MAP3K7CL: variants seen among roughly 807,000 people sequenced by gnomAD.
MAP3K7CL encodes the protein MAP3K7 C-terminal-like protein.
Under a neutral mutation model 18.6 loss-of-function variants are expected in MAP3K7CL, and 16 were observed. The ratio of observed to expected loss-of-function variants is 0.86; its 90% confidence interval spans 0.58 to 1.31. The LOEUF is 1.31. Ranked by LOEUF, MAP3K7CL falls within the 50% of genes most tolerant of loss-of-function variation. The probability of loss-of-function intolerance (pLI) is 0.00; values close to 1 mark genes in which losing one functional copy is unlikely to be tolerated. For missense variants in MAP3K7CL, 163 were observed against 174.4 expected, an observed-to-expected ratio of 0.93 and a Z score of 0.37; for synonymous variants, 65 against 66.8, an observed-to-expected ratio of 0.97 and a Z score of 0.13.
chr21:29,089,294 G>A (rs1030284425), intron 1 of MAP3K7CL, among the ~76,000 whole-genome samples: 1 of 150,370 alleles, frequency 6.7e-6, no homozygotes, highest in African/African-American at 2.5e-5. Flanking sequence ...CACACCACCT[G>A]CAGAAAGAAG....
chr21:29,147,703 G>A (rs2087168198), intron 2 of MAP3K7CL, among the ~76,000 whole-genome samples: 1 of 151,326 alleles, frequency 6.6e-6, no homozygotes, highest in South Asian at 2.1e-4. Flanking sequence ...TATGTGTACT[G>A]TATGTGTATT....
chr21:29,130,875 G>A lies in MAP3K7CL; in HGVS notation c.-88G>A, dbSNP rs1168590039. ...TCCACAAAGGCAACGACTGGCCAAG[G>A]CAGTGGCTGGCTCTGGGTTACACAA... On this transcript the variant is annotated 5_prime_UTR_variant, in exon 1 of 5. Coordinates refer to ENST00000399928, the MANE Select transcript of MAP3K7CL (RefSeq NM_001286620.2). 3 of 985,544 alleles carry A rather than the reference G, an allele frequency of 3.0e-6. No individual in the cohort carries two copies. In the African/African-American group the frequency reaches 5.2e-5, roughly 17 times the overall value. 61.0% of individuals were successfully genotyped at this position (985,544 alleles called of 1,614,324 possible). A position where few individuals can be genotyped will look rare whatever the true frequency, so the allele number is the denominator to read the frequency against.
At chr21:29,081,552 CAA>C (rs751626889), upstream of MAP3K7CL, among the ~76,000 whole-genome samples, 1 of 142,408 alleles carries the variant, frequency 7.0e-6, no homozygotes. Flanking sequence ...GACTCCGTCT[CAA>C]AAAAAAAAAA....
intron 4 of MAP3K7CL, among the ~76,000 whole-genome samples, chr21:29,107,548 G>C (rs183223184): frequency 1.3e-5 from 2 of 152,116 alleles, no homozygotes; most frequent in Non-Finnish European, 2.9e-5. Flanking sequence ...CCCTGGTTCT[G>C]GGGAAGTCTA....
chr21:29,175,793 CT>C lies in MAP3K7CL; in HGVS notation c.*902del, dbSNP rs1386812248. 3 of 152,192 alleles carry C rather than the reference CT, an allele frequency of 2.0e-5. No individual in the cohort carries two copies. Among genetic ancestry groups the C allele is most frequent in the Non-Finnish European group, 2.9e-5 (2 of 68,040 alleles). 9.4% of individuals were successfully genotyped at this position (152,192 alleles called of 1,614,324 possible). The stretch of plus-strand genomic sequence containing the variant: ...AGAATTGAAACAATTTCTCCTTGTT[CT>C]ACCTATCACCACATTTTCTCAAATT... On this transcript the variant is annotated 3_prime_UTR_variant, in exon 5 of 5. Transcript: ENST00000399928.
intron 4 of MAP3K7CL, among the ~76,000 whole-genome samples, chr21:29,167,693 A>ATTTTTTTTTTTTTTTTTTTTTTTTTT (rs35549023): frequency 9.3e-6 from 1 of 107,522 alleles, no homozygotes; most frequent in Non-Finnish European, 1.8e-5. Flanking sequence ...AGAAGGACCA[A>ATTTTTTTTTTTTTTTTTTTTTTTTTT]TTTTTTTTTT....
intron 3 of MAP3K7CL, among the ~76,000 whole-genome samples, chr21:29,154,785 C>T (rs1400624733): frequency 6.6e-6 from 1 of 152,184 alleles, no homozygotes; most frequent in Non-Finnish European, 1.5e-5. Context: ...TTCTCTCATA[C>T]ACACATTGAA....
chr21:29,121,389 A>C (rs1172580151), intron 4 of MAP3K7CL, among the ~76,000 whole-genome samples: 4 of 152,132 alleles, frequency 2.6e-5, no homozygotes, highest in Non-Finnish European at 5.9e-5. Flanking sequence ...GCCTTTGGTA[A>C]ATCAATGTCT....
chr21:29,158,682 A>T (rs2087464951), intron 3 of MAP3K7CL, among the ~76,000 whole-genome samples: 1 of 152,190 alleles, frequency 6.6e-6, no homozygotes, highest in Non-Finnish European at 1.5e-5. Context: ...AATGAGAGGA[A>T]CAAATAGTAA....
intron 2 of MAP3K7CL, among the ~76,000 whole-genome samples, chr21:29,146,620 G>A (rs755661304): frequency 7.2e-5 from 11 of 152,178 alleles, no homozygotes; most frequent in Admixed American, 1.3e-4. Context: ...CAAGGGGCTT[G>A]GGAAATTTCT....
intron 4 of MAP3K7CL, among the ~76,000 whole-genome samples, chr21:29,105,626 A>C (rs1285390553): frequency 6.6e-6 from 1 of 152,184 alleles, no homozygotes; most frequent in Non-Finnish European, 1.5e-5. Flanking sequence ...ATAGAGGCAC[A>C]GGGCCATGAA....
chr21:29,116,526 T>G (rs1034429351), intron 4 of MAP3K7CL, among the ~76,000 whole-genome samples: 3 of 152,186 alleles, frequency 2.0e-5, no homozygotes, highest in African/African-American at 7.2e-5. Context: ...ACTATTTTTT[T>G]TGTTCCTAAT....
At chr21:29,138,982 A>G (rs1481520047) in intron 2 of MAP3K7CL, among the ~76,000 whole-genome samples, 2 of 152,230 alleles carry the variant, frequency 1.3e-5, no homozygotes, top group Non-Finnish European at 2.9e-5. Context: ...AAATTCTTTC[A>G]AGCTGTTAGA....
chr21:29,130,628 C>CT (rs2086761095), upstream of MAP3K7CL: 1 of 985,282 alleles, frequency 1.0e-6, no homozygotes, highest in Non-Finnish European at 1.2e-6. Context: ...TTTGCTCTTG[C>CT]TTTTTCTAGA....
chr21:29,109,915 A>G (rs937462696), intron 4 of MAP3K7CL: 4 of 437,538 alleles, frequency 9.1e-6, no homozygotes, highest in African/African-American at 2.1e-5. Context: ...CCAAGAAGAC[A>G]TTAATCTAGC....
At chr21:29,147,684 A>ATGTATG (rs1307462596) in intron 2 of MAP3K7CL, among the ~76,000 whole-genome samples, 1 of 150,470 alleles carries the variant, frequency 6.6e-6, no homozygotes, top group Non-Finnish European at 1.5e-5. Flanking sequence ...TCTATTGTAT[A>ATGTATG]TGTATGTGTA....
chr21:29,149,500 G>A (rs2087221047), intron 3 of MAP3K7CL, among the ~76,000 whole-genome samples: 1 of 152,154 alleles, frequency 6.6e-6, no homozygotes, highest in Admixed American at 6.5e-5. Context: ...TATTTTTAAG[G>A]GGTTCTGGAG....
chr21:29,097,071 G>A (rs1471405539), intron 4 of MAP3K7CL, among the ~76,000 whole-genome samples: 5 of 152,174 alleles, frequency 3.3e-5, no homozygotes, highest in Non-Finnish European at 7.3e-5. Context: ...GGGATGAGAG[G>A]AGTATTGTGA....
intron 3 of MAP3K7CL, among the ~76,000 whole-genome samples, chr21:29,159,284 G>A (rs569946794): frequency 1.4e-4 from 22 of 152,168 alleles, no homozygotes; most frequent in African/African-American, 5.1e-4. Flanking sequence ...ACCATGTTGC[G>A]GTCAGAAAGG....
Sources: gnomAD v4.1 joint callset for allele counts (sites outside exome capture counted in the v4.1 genomes callset) on GRCh38, gnomAD v4.1.1 for gene constraint, MANE v1.5 for transcripts, NCBI Gene and HGNC (gene_info 2026-07-23, HGNC 2026-07-21) for gene names.